Variants in CEP72 observed in about 807,000 individuals in gnomAD.
CEP72 encodes centrosomal protein 72.
CEP72 carries 78 observed loss-of-function variants against 65.7 expected under a neutral mutation model. That is an observed-to-expected ratio of 1.19 (90% CI 0.99 to 1.43). The LOEUF is 1.43. Among genes scored for constraint, CEP72 ranks in the 40% most tolerant of loss-of-function variants. The pLI, the probability that CEP72 is intolerant of heterozygous loss-of-function variation, is 0.00. For synonymous variants in CEP72, 358 were observed against 351.7 expected, an observed-to-expected ratio of 1.02 and a Z score of -0.20; for missense variants, 914 against 832.9, an observed-to-expected ratio of 1.10 and a Z score of -1.20.
At chr5:617,071 C>G (rs148611589) in intron 1 of CEP72, among the ~76,000 whole-genome samples, 3 of 152,076 alleles carry the variant, frequency 2.0e-5, no homozygotes, top group African/African-American at 7.3e-5. Context: ...CTTTGGCCAT[C>G]GAGAGCAGGC....
At position 619,019 on chromosome 5, in the gene CEP72, A is replaced by G. The variant is rs1736196479; in HGVS notation, c.112A>G (p.Thr38Ala). The G allele has an allele frequency of 6.2e-7, 1 of 1,612,220 alleles. No homozygotes were observed. Among genetic ancestry groups the G allele is most frequent in the Non-Finnish European group, 8.5e-7 (1 of 1,178,252 alleles). Residue 38 changes from threonine (T) to alanine (A), a missense_variant, in exon 2 of 12, where the codon ACT becomes GCT. Transcript: ENST00000264935. ...AELQSLSIPGTYQEKITHLGH... is the reference protein window; with the variant it reads ...AELQSLSIPGAYQEKITHLGH... Reference sequence around the variant, plus strand: ...GCTTCAGTCATTGTCTATTCCTGGAACTTACCAAGAGAAGATCACCCACCT... The same window carrying G: ...GCTTCAGTCATTGTCTATTCCTGGAGCTTACCAAGAGAAGATCACCCACCT...
chr5:643,317 C>T (rs1356371266), intron 9 of CEP72: 2 of 985,330 alleles, frequency 2.0e-6, no homozygotes, highest in African/African-American at 1.7e-5. Flanking sequence ...TCTGGACGAC[C>T]CAAAGCCCCG....
At chr5:637,495 C>T in intron 6 of CEP72, 22 bp from the exon 7 acceptor site, 2 of 1,598,710 alleles carry the variant, frequency 1.3e-6, no homozygotes, top group Non-Finnish European at 1.7e-6. Context: ...CTGACGTGCG[C>T]CCCATCCTCT....
At chr5:641,792 C>A (rs1302550228) in intron 9 of CEP72, 2 of 984,392 alleles carry the variant, frequency 2.0e-6, no homozygotes, top group Admixed American at 1.2e-4. Flanking sequence ...GTCTAGAAGC[C>A]TGTGCATTTA....
rs147312292 is a variant in CEP72 at position 640,418 on chromosome 5, A to G, written c.1353A>G (p.Arg451=). 2.4e-3 allele frequency: 3,793 copies of G among 1,613,718 alleles called. 114 individuals carry two copies. The Admixed American group carries it at 0.052, about 22-fold the overall frequency. ...HSNEAFLAQA[R]HILSSVEEFT... is the part of the protein sequence containing the mutation. ...GGTTTTCACTCCTAGCTCAGGCAAG[A>G]CACATCTTGTCATCTGTTGAAGAAT... is the stretch of plus-strand genomic sequence containing the variant. The change falls in exon 9 of 12, where the codon AGA becomes AGG. Residue 451 remains arginine, a synonymous_variant. Coordinates refer to ENST00000264935, the MANE Select transcript of CEP72 (RefSeq NM_018140.4).
chr5:657,664 T>C (rs1739414011), downstream of CEP72, among the ~76,000 whole-genome samples: 1 of 152,154 alleles, frequency 6.6e-6, no homozygotes, highest in Non-Finnish European at 1.5e-5. Context: ...TGCATATCCC[T>C]GAGTTGGGCT....
At chr5:633,031 C>T (rs1737307928) in intron 4 of CEP72, among the ~76,000 whole-genome samples, 1 of 60,274 alleles carries the variant, frequency 1.7e-5, no homozygotes, top group Admixed American at 1.5e-4. Flanking sequence ...GGGGTTCTGT[C>T]CAGTGCCGGG....
At chr5:665,803 A>T in intron 3 of CEP72, 1 of 761,394 alleles carries the variant, frequency 1.3e-6, no homozygotes, top group Non-Finnish European at 2.0e-6. Context: ...ACACCTCCTC[A>T]GACCCCACAC....
intron 4 of CEP72, among the ~76,000 whole-genome samples, chr5:629,082 A>G (rs1737031282): frequency 6.6e-6 from 1 of 152,224 alleles, no homozygotes; most frequent in Non-Finnish European, 1.5e-5. Flanking sequence ...TGAGCCACTC[A>G]CAAAAGCAGC....
At chr5:647,305 G>A (rs1276373696) in intron 10 of CEP72, among the ~76,000 whole-genome samples, 2 of 152,260 alleles carry the variant, frequency 1.3e-5, no homozygotes, top group Non-Finnish European at 2.9e-5. Flanking sequence ...TCTTGTGCTG[G>A]AAATCCAGAA....
Position 635,384 on chromosome 5 carries a change from T to C in CEP72, c.704T>C (p.Leu235Pro), listed in dbSNP as rs146424013. ...DSRGSQESRH[L>P]LSPQLVQYQC... is the part of the protein sequence containing the mutation. ...AATATTTTAATAGAATCCAGACATCTGTTGAGCCCGCAGTTGGTACAGTAC... is the reference window on the plus strand; with the variant it reads ...AATATTTTAATAGAATCCAGACATCCGTTGAGCCCGCAGTTGGTACAGTAC... Residue 235 changes from leucine to proline, a missense_variant, in exon 6 of 12, where the codon CTG (leucine) becomes CCG (proline). Physicochemically the swap from Leu to Pro is moderately conservative, Grantham distance 98 (BLOSUM62 -3). Transcript: ENST00000264935. 6.2e-7 allele frequency: 1 copy of C among 1,609,294 alleles called. No individual in the cohort carries two copies. Among genetic ancestry groups the C allele is most frequent in the Non-Finnish European group, 8.5e-7 (1 of 1,176,168 alleles).
chr5:614,658 G>GC (rs1735880858), intron 1 of CEP72, among the ~76,000 whole-genome samples: 1 of 152,056 alleles, frequency 6.6e-6, no homozygotes, highest in African/African-American at 2.4e-5. Context: ...ACCGCGCCCG[G>GC]CCTGACCTGT....
In CEP72 at chr5:617,216, C is replaced by T. The variant is rs111919355; in HGVS notation, c.83-1774C>T. ...CAGCGCTGGGTTCTCTCTCGAGTGCCGAGGCCCCTGGCTGGTTGGCTTCTG... is the reference window on the plus strand; with the variant it reads ...CAGCGCTGGGTTCTCTCTCGAGTGCTGAGGCCCCTGGCTGGTTGGCTTCTG... On this transcript the variant is annotated intron_variant, in intron 1 of 11. Coordinates refer to ENST00000264935, the MANE Select transcript of CEP72 (RefSeq NM_018140.4). Among the ~76,000 whole-genome samples the T allele has an allele frequency of 5.6e-3, 846 of 152,254 alleles. 9 individuals carry two copies. Among genetic ancestry groups the T allele is most frequent in the African/African-American group, 0.019 (794 of 41,534 alleles).
At chr5:670,490 C>T (rs531700619), downstream of CEP72, among the ~76,000 whole-genome samples, 6 of 152,214 alleles carry the variant, frequency 3.9e-5, no homozygotes, top group East Asian at 9.7e-4. Flanking sequence ...GGGCACCAAC[C>T]TCTGGGATCT....
chr5:669,736 G>A (rs1740132934), downstream of CEP72, among the ~76,000 whole-genome samples: 1 of 152,098 alleles, frequency 6.6e-6, no homozygotes, highest in East Asian at 1.9e-4. Flanking sequence ...CTCCCCGAGT[G>A]TCTCGGGGAA....
chr5:669,091 C>T (rs1740084435), downstream of CEP72, among the ~76,000 whole-genome samples: 1 of 152,262 alleles, frequency 6.6e-6, no homozygotes, highest in South Asian at 2.1e-4. Context: ...TCCCACAGCT[C>T]AGACCCTCAC....
chr5:619,492 G>A (rs966139694), intron 2 of CEP72, among the ~76,000 whole-genome samples: 2 of 152,130 alleles, frequency 1.3e-5, no homozygotes, highest in African/African-American at 4.8e-5. Context: ...TGACAGAACC[G>A]TGGGATGCGC....
At chr5:622,637 C>T (rs941804663) in intron 3 of CEP72, among the ~76,000 whole-genome samples, 1 of 152,232 alleles carries the variant, frequency 6.6e-6, no homozygotes, top group African/African-American at 2.4e-5. Context: ...CTCTTGGCAG[C>T]GAGGAGCGCC....
At chr5:613,617 T>G (rs551501416) in intron 1 of CEP72, among the ~76,000 whole-genome samples, 140 of 152,338 alleles carry the variant, frequency 9.2e-4, no homozygotes, top group African/African-American at 3.2e-3. Flanking sequence ...TCCACCTGCC[T>G]TGGCCTCCCA....
Sources: allele counts gnomAD v4.1 joint callset (sites outside exome capture counted in the v4.1 genomes callset), GRCh38; gene constraint gnomAD v4.1.1; transcripts MANE v1.5; gene names NCBI Gene and HGNC (gene_info 2026-07-23, HGNC 2026-07-21).